The following SLCO5A1 variants were observed in gnomAD, a reference collection of about 807,000 sequenced individuals.
The protein encoded by SLCO5A1 is solute carrier organic anion transporter family member 5A1.
A neutral mutation model predicts 65.1 loss-of-function variants in SLCO5A1; 39 were observed. The observed-to-expected ratio is 0.60, with a 90% CI of 0.46 to 0.78. SLCO5A1 has a LOEUF of 0.78. Ranked by LOEUF, SLCO5A1 falls within the 30% of genes least tolerant of loss-of-function variation. The pLI is 0.00. For synonymous variants in SLCO5A1, 438 were observed against 415.7 expected, an observed-to-expected ratio of 1.05 and a Z score of -0.65; for missense variants, 1,029 against 1,069.4, an observed-to-expected ratio of 0.96 and a Z score of 0.53.
chr8:69,820,718 G>T (rs150395422), intron 2 of SLCO5A1, among the ~76,000 whole-genome samples: 1 of 151,718 alleles, frequency 6.6e-6, no homozygotes, highest in Non-Finnish European at 1.5e-5. Flanking sequence ...ATATTTTTCC[G>T]TACAATATTT....
At chr8:69,746,078 G>T (rs1304520261) in intron 4 of SLCO5A1, among the ~76,000 whole-genome samples, 1 of 152,104 alleles carries the variant, frequency 6.6e-6, no homozygotes, top group Non-Finnish European at 1.5e-5. Flanking sequence ...CTTAGAATGT[G>T]CATATCTCCA....
At position 69,667,967 on chromosome 8, in the gene SLCO5A1, T is replaced by A. The variant is rs1051375371; in HGVS notation, c.*4902A>T. ...CAAACACAAAGTACATGCAGCCACT[T>A]AGCAGTGAAATACTGTGAATTCAGT... is the stretch of plus-strand genomic sequence containing the variant. On this transcript the variant is annotated 3_prime_UTR_variant, in exon 10 of 10. Coordinates refer to ENST00000260126, the MANE Select transcript of SLCO5A1 (RefSeq NM_030958.3). 1 of 152,250 alleles carries A rather than the reference T, an allele frequency of 6.6e-6. No individual in the cohort carries two copies. Among genetic ancestry groups the A allele is most frequent in the Non-Finnish European group, 1.5e-5 (1 of 68,042 alleles). 9.4% of individuals were successfully genotyped at this position (152,250 alleles called of 1,614,324 possible).
intron 5 of SLCO5A1, among the ~76,000 whole-genome samples, chr8:69,721,023 T>C (rs765912365): frequency 4.6e-5 from 7 of 152,238 alleles, no homozygotes; most frequent in Non-Finnish European, 1.0e-4. Flanking sequence ...GCTTGACTTA[T>C]GGCTGCTTGG....
intron 5 of SLCO5A1, among the ~76,000 whole-genome samples, chr8:69,710,019 CT>C (rs33961429): frequency 0.11 from 13,496 of 122,710 alleles, 1,881 homozygotes; most frequent in African/African-American, 0.34. Context: ...TCGGCAACAG[CT>C]TTTTTTTTTT....
chr8:69,786,089 G>T (rs1175328516), intron 2 of SLCO5A1, among the ~76,000 whole-genome samples: 1 of 152,104 alleles, frequency 6.6e-6, no homozygotes, highest in Non-Finnish European at 1.5e-5. Context: ...AGATGATATA[G>T]TTATTATGTA....
chr8:69,815,809 T>C lies in SLCO5A1; in HGVS notation c.907+15958A>G, dbSNP rs115673855. On this transcript the variant is annotated intron_variant, in intron 2 of 9. Transcript: ENST00000260126. ...GGAACTAAATTAACTAAAGAAACCA[T>C]GAAAGCCCTAATATTTTTGCACCCA... Among the ~76,000 whole-genome samples, 843 of 152,194 alleles carry C rather than the reference T, an allele frequency of 5.5e-3. 9 individuals are homozygous for C. The highest frequency in any genetic ancestry group is 0.019 in the African/African-American group (802 of 41,536).
At chr8:69,788,451 C>T (rs1243996791) in intron 2 of SLCO5A1, among the ~76,000 whole-genome samples, 1 of 152,162 alleles carries the variant, frequency 6.6e-6, no homozygotes, top group Non-Finnish European at 1.5e-5. Context: ...GTCTTCCTAG[C>T]TGTGTATTCT....
chr8:69,767,546 A>G (rs1818113826), intron 2 of SLCO5A1, among the ~76,000 whole-genome samples: 1 of 152,146 alleles, frequency 6.6e-6, no homozygotes, highest in Non-Finnish European at 1.5e-5. Flanking sequence ...GCATGAAAGG[A>G]GTTAATACCT....
intron 2 of SLCO5A1, among the ~76,000 whole-genome samples, chr8:69,771,699 C>T (rs1166991769): frequency 2.0e-5 from 3 of 152,220 alleles, no homozygotes; most frequent in Non-Finnish European, 4.4e-5. Context: ...GTCTCTGTCA[C>T]TGCTGCCCCA....
chr8:69,766,916 A>G (rs1046334605), intron 2 of SLCO5A1, among the ~76,000 whole-genome samples: 1 of 152,240 alleles, frequency 6.6e-6, no homozygotes, highest in Non-Finnish European at 1.5e-5. Context: ...CCATTCAGCC[A>G]GTGAACGCTC....
chr8:69,820,832 G>A (rs79883444), intron 2 of SLCO5A1, among the ~76,000 whole-genome samples: 2,859 of 152,032 alleles, frequency 0.019, 92 homozygotes, highest in African/African-American at 0.064. Flanking sequence ...GTGTATATAT[G>A]CATGTGTATG....
chr8:69,832,925 G>GCC lies in SLCO5A1; in HGVS notation c.-254_-253dup. 1 of 488,366 alleles carries GCC rather than the reference G, an allele frequency of 2.0e-6. No individual in the cohort carries two copies. Among genetic ancestry groups the GCC allele is most frequent in the Non-Finnish European group, 3.5e-6 (1 of 282,298 alleles). 30.3% of individuals were successfully genotyped at this position (488,366 alleles called of 1,614,324 possible). ...AGGGGTCCGCGCGGTACTGCGATGA[G>GCC]CCCTACTCGGCGTCCCTCTCCGGGC... On this transcript the variant is annotated 5_prime_UTR_variant, in exon 2 of 10. It introduces an in-frame stop codon into an upstream open reading frame of the 5' UTR. Transcript: ENST00000260126. The surrounding 1 kb of genome is among the most constrained non-coding windows in gnomAD (Gnocchi z 4.5).
At chr8:69,717,618 A>C (rs546125122) in intron 5 of SLCO5A1, among the ~76,000 whole-genome samples, 1 of 152,350 alleles carries the variant, frequency 6.6e-6, no homozygotes, top group South Asian at 2.1e-4. Context: ...GCAGCTTGCC[A>C]ATTTTTGCAA....
intron 6 of SLCO5A1, among the ~76,000 whole-genome samples, chr8:69,683,263 T>C (rs1813859270): frequency 6.6e-6 from 1 of 152,194 alleles, no homozygotes; most frequent in Admixed American, 6.5e-5. Context: ...CCACCAGTTT[T>C]GTGTATCACT....
At chr8:69,686,252 CTCTTT>C (rs1813999019) in intron 6 of SLCO5A1, among the ~76,000 whole-genome samples, 1 of 112,846 alleles carries the variant, frequency 8.9e-6, no homozygotes, top group Non-Finnish European at 1.8e-5. Context: ...GAGAGAAGAC[CTCTTT>C]AGCAAAATAT....
chr8:69,710,931 T>C (rs1159487480), intron 5 of SLCO5A1, among the ~76,000 whole-genome samples: 7 of 152,078 alleles, frequency 4.6e-5, no homozygotes, highest in Admixed American at 2.0e-4. Context: ...CAGAGAAAGA[T>C]CCGAAGTTTG....
chr8:69,745,664 A>G (rs1816982968), intron 4 of SLCO5A1, among the ~76,000 whole-genome samples: 1 of 152,174 alleles, frequency 6.6e-6, no homozygotes. Context: ...TTAGTAGCCC[A>G]GGCAGTTTAT....
chr8:69,690,976 A>G (rs527248280), intron 6 of SLCO5A1, among the ~76,000 whole-genome samples: 19 of 152,356 alleles, frequency 1.2e-4, no homozygotes, highest in Admixed American at 1.2e-3. Flanking sequence ...CTGGTTAAAA[A>G]GTCTTTATAC....
chr8:69,748,818 C>G (rs752492235), intron 4 of SLCO5A1, among the ~76,000 whole-genome samples: 1 of 152,132 alleles, frequency 6.6e-6, no homozygotes, highest in Non-Finnish European at 1.5e-5. Context: ...GCACTCCAGA[C>G]CTACTGAATC....
Sources: allele counts gnomAD v4.1 joint callset (sites outside exome capture counted in the v4.1 genomes callset), GRCh38; gene constraint gnomAD v4.1.1; non-coding constraint Gnocchi (gnomAD v3.1); transcripts MANE v1.5; gene names NCBI Gene and HGNC (gene_info 2026-07-23, HGNC 2026-07-21).